FRK: variants seen among roughly 807,000 people sequenced by gnomAD.
FRK encodes fyn related Src family tyrosine kinase.
Under a neutral mutation model 56.4 loss-of-function variants are expected in FRK, and 51 were observed. The ratio of observed to expected loss-of-function variants is 0.90; its 90% CI spans 0.72 to 1.14. FRK has a LOEUF of 1.14. Among genes scored for constraint, FRK ranks in the 50% most tolerant of loss-of-function variants. The pLI, the probability that FRK is intolerant of heterozygous loss-of-function variation, is 0.00. For missense variants in FRK, 570 were observed against 601.4 expected (o/e 0.95, Z 0.55); for synonymous variants, 245 against 217.9 (o/e 1.12, Z -1.10).
At chr6:116,098,875 G>A in the FRK span, among the ~76,000 whole-genome samples, 1 of 152,208 alleles carries the variant, frequency 6.6e-6, no homozygotes, top group Non-Finnish European at 1.5e-5. Context: ...ATTTCTGGAA[G>A]AGTCAGACTG....
At chr6:115,975,103 G>A (rs892515829) in intron 2 of FRK, among the ~76,000 whole-genome samples, 29 of 151,926 alleles carry the variant, frequency 1.9e-4, no homozygotes, top group African/African-American at 5.5e-4. Flanking sequence ...CAATACTTTC[G>A]GGACTTACAA....
chr6:116,071,436 A>T, the FRK span, among the ~76,000 whole-genome samples: 1 of 152,204 alleles, frequency 6.6e-6, no homozygotes, highest in Non-Finnish European at 1.5e-5. Flanking sequence ...CTACATTTAC[A>T]GAATGTGAAA....
At chr6:116,016,728 ATTCT>A (rs529184829) in intron 1 of FRK, among the ~76,000 whole-genome samples, 31 of 152,136 alleles carry the variant, frequency 2.0e-4, no homozygotes, top group African/African-American at 4.6e-4. Context: ...TTCTTCCTTC[ATTCT>A]TTCTTTCTTT....
chr6:115,960,283 C>T (rs1451979289), intron 4 of FRK, among the ~76,000 whole-genome samples: 46 of 150,968 alleles, frequency 3.0e-4, no homozygotes, highest in Non-Finnish European at 5.2e-4. Flanking sequence ...AAAGGGGTGA[C>T]GGACGCACCT....
At chr6:116,021,104 A>C (rs1775858278) in intron 1 of FRK, among the ~76,000 whole-genome samples, 1 of 152,064 alleles carries the variant, frequency 6.6e-6, no homozygotes, top group Non-Finnish European at 1.5e-5. Context: ...ATGAATTATA[A>C]ATGTTTTAAA....
the FRK span, among the ~76,000 whole-genome samples, chr6:116,085,404 G>C: frequency 2.0e-5 from 3 of 152,082 alleles, no homozygotes; most frequent in Non-Finnish European, 4.4e-5. Flanking sequence ...AAATCTATTT[G>C]CTTCTCTTTT....
rs186042068 is a variant in FRK, at chr6:116,057,397, C to T, written c.344+2571G>A. Among the ~76,000 whole-genome samples, 252 of 152,278 alleles carry T rather than the reference C, an allele frequency of 1.7e-3. 3 individuals carry two copies. Among genetic ancestry groups the T allele is most frequent in the Middle Eastern group, 6.8e-3 (2 of 294 alleles). ...TGTGTGAGCCACTTGGACACACTCACGCAGAAGGCTGTTCAGTAAAAATCG... is the reference window on the plus strand; with the variant it reads ...TGTGTGAGCCACTTGGACACACTCATGCAGAAGGCTGTTCAGTAAAAATCG... On this transcript the variant is annotated intron_variant, in intron 1 of 7. Coordinates refer to ENST00000606080, the MANE Select transcript of FRK (RefSeq NM_002031.3).
intron 1 of FRK, among the ~76,000 whole-genome samples, chr6:116,048,535 C>T (rs1257889580): frequency 6.6e-6 from 1 of 152,138 alleles, no homozygotes; most frequent in Non-Finnish European, 1.5e-5. Flanking sequence ...CAGGCAAGTG[C>T]CACCAGGCCC....
At chr6:116,056,756 G>A (rs567479982) in intron 1 of FRK, among the ~76,000 whole-genome samples, 11 of 152,260 alleles carry the variant, frequency 7.2e-5, no homozygotes, top group Middle Eastern at 3.4e-3. Context: ...CATTGAAGAT[G>A]TTGAAGAAAA....
intron 4 of FRK, among the ~76,000 whole-genome samples, chr6:115,957,170 AT>A (rs1266901841): frequency 3.3e-5 from 5 of 152,346 alleles, no homozygotes; most frequent in Non-Finnish European, 5.9e-5. Flanking sequence ...CATGTTTTAT[AT>A]GTTCAACTCG....
At chr6:116,094,250 G>C in the FRK span, among the ~76,000 whole-genome samples, 1 of 152,234 alleles carries the variant, frequency 6.6e-6, no homozygotes, top group Non-Finnish European at 1.5e-5. Context: ...CCCCCAACAA[G>C]ATGATCCAAT....
the FRK span, among the ~76,000 whole-genome samples, chr6:116,078,513 A>G: frequency 6.6e-6 from 1 of 152,218 alleles, no homozygotes; most frequent in African/African-American, 2.4e-5. Context: ...TAATGGGGTC[A>G]GGGGTAGTGT....
intron 1 of FRK, among the ~76,000 whole-genome samples, chr6:116,010,724 TA>T (rs2114711328): frequency 6.6e-6 from 1 of 152,306 alleles, no homozygotes; most frequent in African/African-American, 2.4e-5. Flanking sequence ...ATAATTTCCT[TA>T]TAGCCTTGTT....
intron 1 of FRK, among the ~76,000 whole-genome samples, chr6:116,046,573 T>C (rs1025267042): frequency 6.6e-6 from 1 of 152,062 alleles, no homozygotes; most frequent in African/African-American, 2.4e-5. Flanking sequence ...AAAGTGGGAA[T>C]TGAACAATGA....
chr6:115,997,990 C>T (rs1311917740), intron 2 of FRK, among the ~76,000 whole-genome samples: 1 of 152,210 alleles, frequency 6.6e-6, no homozygotes, highest in Non-Finnish European at 1.5e-5. Context: ...GATAACTAAA[C>T]TCAGACTGCT....
At chr6:115,957,913 C>T (rs936165022) in intron 4 of FRK, among the ~76,000 whole-genome samples, 8 of 152,142 alleles carry the variant, frequency 5.3e-5, no homozygotes, top group African/African-American at 9.7e-5. Context: ...AATGCCTGCA[C>T]GTATGTATTC....
At chr6:115,953,044 C>T (rs930430259) in intron 5 of FRK, among the ~76,000 whole-genome samples, 2 of 150,348 alleles carry the variant, frequency 1.3e-5, no homozygotes, top group Admixed American at 6.6e-5. Context: ...GCACATTGTG[C>T]ACATGTACCC....
At chr6:116,064,641 C>T (rs764114456), upstream of FRK, among the ~76,000 whole-genome samples, 1 of 152,086 alleles carries the variant, frequency 6.6e-6, no homozygotes, top group East Asian at 1.9e-4. Flanking sequence ...TCTTATTGCT[C>T]CCTGAATGTT....
chr6:116,021,121 G>T (rs1775858988), intron 1 of FRK, among the ~76,000 whole-genome samples: 1 of 150,360 alleles, frequency 6.7e-6, no homozygotes, highest in Non-Finnish European at 1.5e-5. Context: ...TAAATGCTGA[G>T]AAACATTTTA....
Sources: allele counts gnomAD v4.1 joint callset (sites outside exome capture counted in the v4.1 genomes callset), GRCh38; gene constraint gnomAD v4.1.1; transcripts MANE v1.5; gene names NCBI Gene and HGNC (gene_info 2026-07-23, HGNC 2026-07-21).